The following CRB2 variants were observed in gnomAD, a reference collection of about 807,000 sequenced individuals.
CRB2 encodes the protein protein crumbs homolog 2.
A neutral mutation model predicts 110.9 loss-of-function variants in CRB2; 85 were observed. The ratio of observed to expected loss-of-function variants is 0.77; its 90% CI spans 0.64 to 0.92. The LOEUF (loss-of-function observed/expected upper bound fraction) is 0.92, where lower values mean the gene tolerates loss of function less well. Ranked by LOEUF, CRB2 falls within the 40% of genes least tolerant of loss-of-function variation. The probability of loss-of-function intolerance (pLI) is 0.00; values close to 1 mark genes in which losing one functional copy is unlikely to be tolerated. For missense variants in CRB2, 1,843 were observed against 1,851.3 expected, an observed-to-expected ratio of 1.00 and a Z score of 0.08; for synonymous variants, 907 against 831.0, an observed-to-expected ratio of 1.09 and a Z score of -1.57.
At chr9:123,372,699 A>G (rs906980347) in intron 9 of CRB2, among the ~76,000 whole-genome samples, 1 of 152,254 alleles carries the variant, frequency 6.6e-6, no homozygotes, top group Non-Finnish European at 1.5e-5. Flanking sequence ...CTCTGACTTT[A>G]TCCCAAGGAC....
intron 12 of CRB2, among the ~76,000 whole-genome samples, chr9:123,375,938 T>C (rs2042096555): frequency 6.6e-6 from 1 of 152,080 alleles, no homozygotes; most frequent in African/African-American, 2.4e-5. Flanking sequence ...GAGGAGAGGC[T>C]TGGAAGGGAA....
At position 123,367,626 on chromosome 9, in the gene CRB2, G is replaced by A. The variant is rs779805981; in HGVS notation, c.994G>A (p.Gly332Arg). 34 of 1,570,468 alleles carry A rather than the reference G, an allele frequency of 2.2e-5. No homozygotes were observed. The highest frequency in any genetic ancestry group is 1.5e-4 in the African/African-American group (11 of 73,708). ...GTGTGCCTCACGGCCATGCCTCAAC[G>A]GAGGCCACTGCCAGGACCTGCCCAA... ...DECASRPCLN[G>R]GHCQDLPNGF... The change falls in exon 6 of 13, where the codon GGA (glycine) becomes AGA (arginine). Residue 332 changes from glycine (G) to arginine (R), a missense_variant. Coordinates refer to ENST00000373631, the MANE Select transcript of CRB2 (RefSeq NM_173689.7).
chr9:123,374,459 T>A, intron 10 of CRB2, 120 bp from the exon 11 acceptor site: 1 of 705,970 alleles, frequency 1.4e-6, no homozygotes, highest in Non-Finnish European at 2.5e-6. Flanking sequence ...CCATGCCCAA[T>A]AGAGGAAGGC....
intron 2 of CRB2, 146 bp from the exon 3 acceptor site, chr9:123,365,771 C>A: frequency 1.1e-5 from 7 of 642,424 alleles, no homozygotes; most frequent in South Asian, 2.4e-5. Context: ...CATGACCCGT[C>A]CCCCACCCCC....
rs930743090 is a variant in CRB2 at position 123,373,180 on chromosome 9, C to T, written c.2649C>T (p.Ser883=). ...TFREGPPAAF[S]GHNASSGRLL... is the part of the protein sequence containing the mutation. ...GCGAGGGTCCCCCCGCCGCGTTCAG[C>T]GGGCACAACGCGTCGTCAGGGCGCT... The change falls in exon 10 of 13, where the codon AGC becomes AGT. Residue 883 remains serine, a synonymous_variant. Transcript: ENST00000373631. 5.3e-6 allele frequency: 8 copies of T among 1,514,298 alleles called. No homozygotes were observed. The South Asian group carries it at 7.3e-5, about 14-fold the overall frequency. The allele number at this position is 1,514,298 out of a possible 1,614,324, so 93.8% of individuals were successfully genotyped here. A position where few individuals can be genotyped will look rare whatever the true frequency, so the allele number is the denominator to read the frequency against.
intron 4 of CRB2, 120 bp downstream of exon 4, chr9:123,366,486 A>AGT (rs2041934515): frequency 4.1e-5 from 51 of 1,250,690 alleles, no homozygotes; most frequent in South Asian, 2.7e-4. Flanking sequence ...TCGGGACCAG[A>AGT]GTGTGTGTGT....
At chr9:123,356,179 T>C (rs2041794426), upstream of CRB2, 1 of 939,722 alleles carries the variant, frequency 1.1e-6, no homozygotes, top group East Asian at 3.0e-5. Flanking sequence ...TAGTGCTGGT[T>C]GGAGGGACGA....
upstream of CRB2, among the ~76,000 whole-genome samples, chr9:123,355,246 A>G (rs1039127227): frequency 6.6e-6 from 1 of 152,188 alleles, no homozygotes; most frequent in African/African-American, 2.4e-5. Context: ...ACAAGAGGCC[A>G]GCTGGAGAGC....
chr9:123,374,214 G>T, intron 10 of CRB2: 2 of 600,472 alleles, frequency 3.3e-6, no homozygotes, highest in Middle Eastern at 4.4e-4. Flanking sequence ...GAGGGAGGGG[G>T]TCAGGCTTTG....
chr9:123,374,838 C>T (rs563405520), intron 11 of CRB2, 143 bp downstream of exon 11: 2 of 640,350 alleles, frequency 3.1e-6, no homozygotes, highest in South Asian at 1.9e-5. Flanking sequence ...AGTTTCCTTC[C>T]ATGACTCGCA....
chr9:123,366,146 C>T, intron 3 of CRB2, 34 bp downstream of exon 3: 1 of 1,382,368 alleles, frequency 7.2e-7, no homozygotes, highest in Non-Finnish European at 9.3e-7. Context: ...GCAGGGGCGC[C>T]GGGTGCCCGA....
intron 6 of CRB2, among the ~76,000 whole-genome samples, chr9:123,368,114 C>T (rs752754722): frequency 6.6e-6 from 1 of 152,090 alleles, no homozygotes; most frequent in Admixed American, 6.5e-5. Context: ...CACGCAGATG[C>T]ACAGACACAG....
intron 11 of CRB2, 30 bp from the exon 12 acceptor site, chr9:123,375,187 G>A: frequency 6.2e-7 from 1 of 1,611,040 alleles, no homozygotes; most frequent in African/African-American, 1.3e-5. Context: ...CATGGGGGAA[G>A]CCGCTTTCTC....
At position 123,371,509 on chromosome 9, in the gene CRB2, G is replaced by A; in HGVS notation, c.2367G>A (p.Gln789=). The A allele has an allele frequency of 6.2e-7, 1 of 1,613,212 alleles. No individual in the cohort carries two copies. The highest frequency in any genetic ancestry group is 1.1e-5 in the South Asian group (1 of 91,080). ...CTCTGCCACTGGATAACTCAAGCCA[G>A]CCCAGCGAGCTCGGCGGCAGGCAGT... is the stretch of plus-strand genomic sequence containing the variant. ...FFPLPLDNSS[Q]PSELGGRQSW... Residue 789 remains glutamine (Q), a synonymous_variant, in exon 8 of 13, where the codon CAG becomes CAA. Transcript: ENST00000373631.
chr9:123,367,274 G>GGGGGA lies in CRB2; in HGVS notation c.860_861insGAGGG (p.Val288ArgfsTer158), dbSNP rs1564371914. 6.2e-7 allele frequency: 1 copy of GGGGGA among 1,600,468 alleles called. No individual in the cohort carries two copies. Among genetic ancestry groups the GGGGGA allele is most frequent in the Non-Finnish European group, 8.5e-7 (1 of 1,178,434 alleles). On this transcript the variant is annotated frameshift_variant, in exon 5 of 13. Coordinates refer to ENST00000373631, the MANE Select transcript of CRB2 (RefSeq NM_173689.7). LOFTEE classifies it high-confidence loss of function. ...CAGCGCTCTGACCCGGCCCTCTACG[G>GGGGGA]GGGTGTCCAGGCCGCCTTCCCTGGC...
rs1334961079 is a variant in CRB2, at chr9:123,365,887, T to C, written c.419-30T>C. 5 of 1,570,574 alleles carry C rather than the reference T, an allele frequency of 3.2e-6. No homozygotes were observed. The Admixed American group carries it at 6.9e-5, about 22-fold the overall frequency. ...TCCGCCCTGCTCTGGGTGTCCATCC[T>C]GCACCCTGTGTGTCCCCTGCCCTGT... is the stretch of plus-strand genomic sequence containing the variant. On this transcript the variant is annotated intron_variant, in intron 2 of 12. Transcript: ENST00000373631.
Position 123,362,914 on chromosome 9 carries a change from T to G in CRB2, c.144T>G (p.Ala48=). Residue 48 remains alanine, a synonymous_variant, in exon 2 of 13, where the codon GCT becomes GCG. Transcript: ENST00000373631. ...PPSACASDPC[A]PGTECQATES... ...GTGCCTGTGCCTCAGACCCGTGCGC[T>G]CCAGGGACCGAGTGCCAGGCTACCG... 6.2e-7 allele frequency: 1 copy of G among 1,600,572 alleles called. No individual in the cohort carries two copies. The highest frequency in any genetic ancestry group is 8.6e-7 in the Non-Finnish European group (1 of 1,169,544).
At chr9:123,368,671 C>T in intron 6 of CRB2, 2 of 670,804 alleles carry the variant, frequency 3.0e-6, no homozygotes, top group South Asian at 6.7e-5. Flanking sequence ...GAGGGCAGAC[C>T]TCTGAGGTCA....
rs2041924139 is a variant in CRB2, at chr9:123,365,927, C to T, written c.429C>T (p.Cys143=). 2 of 1,593,714 alleles carry T rather than the reference C, an allele frequency of 1.3e-6. No homozygotes were observed. Among genetic ancestry groups the T allele is most frequent in the East Asian group, 2.3e-5 (1 of 44,268 alleles). ...HCPLGYAGVT[C]EMEVDECASA... Reference sequence around the variant, plus strand: ...CCCTGCCCTGTCCAGGCGTGACCTGCGAGATGGAGGTGGACGAGTGCGCCT... The same window carrying T: ...CCCTGCCCTGTCCAGGCGTGACCTGTGAGATGGAGGTGGACGAGTGCGCCT... The change falls in exon 3 of 13, where the codon TGC becomes TGT. Residue 143 remains cysteine, a synonymous_variant. Transcript: ENST00000373631.
Sources: allele counts gnomAD v4.1 joint callset (sites outside exome capture counted in the v4.1 genomes callset), GRCh38; gene constraint gnomAD v4.1.1; transcripts MANE v1.5; gene names NCBI Gene and HGNC (gene_info 2026-07-23, HGNC 2026-07-21).